Variants in DLG2 observed in about 807,000 individuals in gnomAD.
DLG2 encodes discs large MAGUK scaffold protein 2.
Under a neutral mutation model 132.5 loss-of-function variants are expected in DLG2, and 45 were observed. The observed-to-expected ratio is 0.34, with a 90% confidence interval of 0.27 to 0.44. The LOEUF (loss-of-function observed/expected upper bound fraction) is 0.44. Ranked by LOEUF, DLG2 falls within the 20% of genes least tolerant of loss-of-function variation. DLG2 has a pLI of 1.00. For synonymous variants in DLG2, 424 were observed against 419.6 expected (o/e 1.01, Z -0.13); for missense variants, 1,045 against 1,196.9 (o/e 0.87, Z 1.87).
At chr11:83,566,715 GTGTGT>G (rs2096715260) in intron 19 of DLG2, among the ~76,000 whole-genome samples, 2 of 59,320 alleles carry the variant, frequency 3.4e-5, no homozygotes, top group African/African-American at 3.2e-4. Flanking sequence ...AGGGCATGGT[GTGTGT>G]GTGTGTGTGT....
At chr11:83,467,514 C>T (rs974130332) in intron 25 of DLG2, among the ~76,000 whole-genome samples, 75 of 151,606 alleles carry the variant, frequency 4.9e-4, no homozygotes, top group African/African-American at 1.7e-3. Flanking sequence ...TCTAGGAGGC[C>T]GAGGCGGGTG....
intron 7 of DLG2, among the ~76,000 whole-genome samples, chr11:84,418,743 T>C (rs1394333094): frequency 6.6e-6 from 1 of 152,196 alleles, no homozygotes; most frequent in Non-Finnish European, 1.5e-5. Flanking sequence ...CTATACCCTA[T>C]TCTCAACCTA....
intron 19 of DLG2, among the ~76,000 whole-genome samples, chr11:83,586,349 T>C (rs78969811): frequency 0.017 from 2,594 of 152,366 alleles, 69 homozygotes; most frequent in African/African-American, 0.06. Flanking sequence ...ATTTCTGTTA[T>C]AGCACAGACA....
chr11:84,415,852 T>C (rs2098927834), intron 7 of DLG2, among the ~76,000 whole-genome samples: 2 of 152,214 alleles, frequency 1.3e-5, no homozygotes, highest in African/African-American at 4.8e-5. Flanking sequence ...ACCTACTTCA[T>C]ATATGCATTG....
chr11:85,282,157 A>G (rs1229793500), intron 4 of DLG2, among the ~76,000 whole-genome samples: 1 of 151,960 alleles, frequency 6.6e-6, no homozygotes, highest in Non-Finnish European at 1.5e-5. Flanking sequence ...TAAAAAAAAT[A>G]AAATGTACAC....
At chr11:83,887,527 G>A (rs2154081814) in intron 15 of DLG2, among the ~76,000 whole-genome samples, 1 of 152,194 alleles carries the variant, frequency 6.6e-6, no homozygotes, top group South Asian at 2.1e-4. Flanking sequence ...GGTATAAGGA[G>A]GAACTCGTAC....
chr11:84,361,602 C>A (rs1017586768), intron 7 of DLG2, among the ~76,000 whole-genome samples: 1 of 152,040 alleles, frequency 6.6e-6, no homozygotes, highest in Non-Finnish European at 1.5e-5. Flanking sequence ...TATATCTATA[C>A]ACAGAATTTA....
chr11:84,547,967 G>A (rs1269083755), intron 6 of DLG2, among the ~76,000 whole-genome samples: 1 of 152,166 alleles, frequency 6.6e-6, no homozygotes, highest in African/African-American at 2.4e-5. Context: ...GCTGGTTATT[G>A]AACAGTAGTA....
At chr11:83,464,167 G>C (rs1075718) in intron 26 of DLG2, among the ~76,000 whole-genome samples, 104,243 of 152,078 alleles carry the variant, frequency 0.69, 36,658 homozygotes, top group African/African-American at 0.83. Flanking sequence ...GGTGAAGGGA[G>C]ATTGCCACAT....
At chr11:83,809,058 T>C (rs949683504) in intron 17 of DLG2, among the ~76,000 whole-genome samples, 21 of 152,126 alleles carry the variant, frequency 1.4e-4, no homozygotes, top group Non-Finnish European at 7.4e-5. Flanking sequence ...TCCTGCTGCA[T>C]CCTCTCTTCT....
At chr11:84,544,673 C>T (rs2099386057) in intron 6 of DLG2, among the ~76,000 whole-genome samples, 1 of 152,124 alleles carries the variant, frequency 6.6e-6, no homozygotes, top group South Asian at 2.1e-4. Flanking sequence ...CTTTGGTTGA[C>T]TGAAGTTATG....
At chr11:84,012,788 A>T (rs1273288631) in intron 11 of DLG2, among the ~76,000 whole-genome samples, 1 of 152,140 alleles carries the variant, frequency 6.6e-6, no homozygotes, top group Non-Finnish European at 1.5e-5. Context: ...TAATAGTCAA[A>T]GAATCTTATA....
intron 10 of DLG2, among the ~76,000 whole-genome samples, chr11:84,077,666 T>A (rs1328343482): frequency 1.3e-5 from 2 of 152,256 alleles, no homozygotes; most frequent in African/African-American, 4.8e-5. Flanking sequence ...TTTTATTTTT[T>A]TCACAATTAC....
At chr11:85,098,970 G>A (rs745956477) in intron 6 of DLG2, among the ~76,000 whole-genome samples, 6 of 152,200 alleles carry the variant, frequency 3.9e-5, no homozygotes, top group Admixed American at 1.3e-4. Flanking sequence ...GCTGAAGCAA[G>A]GGAGTCAGTA....
chr11:85,223,788 T>G (rs960253901), intron 4 of DLG2, among the ~76,000 whole-genome samples: 1 of 152,146 alleles, frequency 6.6e-6, no homozygotes, highest in Non-Finnish European at 1.5e-5. Flanking sequence ...ATGTTTGGAT[T>G]AGGGTAAGGG....
intron 15 of DLG2, among the ~76,000 whole-genome samples, chr11:83,922,354 T>C (rs2078114825): frequency 6.6e-6 from 1 of 152,074 alleles, no homozygotes; most frequent in African/African-American, 2.4e-5. Flanking sequence ...TCTCTCCTTA[T>C]TTTCCTTAAT....
intron 6 of DLG2, among the ~76,000 whole-genome samples, chr11:85,080,572 G>A (rs1593803055): frequency 6.6e-6 from 1 of 152,068 alleles, no homozygotes; most frequent in African/African-American, 2.4e-5. Context: ...CTTCTCCCAG[G>A]TCTGAAGATG....
intron 7 of DLG2, among the ~76,000 whole-genome samples, chr11:84,325,462 A>G (rs184351714): frequency 6.6e-6 from 1 of 152,030 alleles, no homozygotes; most frequent in East Asian, 1.9e-4. Flanking sequence ...AATGAAATAA[A>G]TGTGTCAATT....
intron 7 of DLG2, among the ~76,000 whole-genome samples, chr11:84,420,719 A>C (rs1161125398): frequency 8.8e-6 from 1 of 113,628 alleles, no homozygotes; most frequent in Non-Finnish European, 1.6e-5. Flanking sequence ...CCCAGGCTGG[A>C]GTGCAGTGGC....
Sources: gnomAD v4.1 joint callset for allele counts (sites outside exome capture counted in the v4.1 genomes callset) on GRCh38, gnomAD v4.1.1 for gene constraint, MANE v1.5 for transcripts, NCBI Gene and HGNC (gene_info 2026-07-23, HGNC 2026-07-21) for gene names.